Variants in PPP3CA observed in about 807,000 individuals in gnomAD.
PPP3CA encodes protein phosphatase 3 catalytic subunit alpha, also known as CAM-PRP catalytic subunit.
Under a neutral mutation model 66.5 loss-of-function variants are expected in PPP3CA, and 14 were observed. The observed-to-expected ratio is 0.21, with a 90% CI of 0.14 to 0.33. The LOEUF is 0.33. Ranked by LOEUF, PPP3CA falls within the 10% of genes least tolerant of loss-of-function variation. PPP3CA has a pLI of 1.00. For missense variants in PPP3CA, 317 were observed against 639.5 expected, an observed-to-expected ratio of 0.50 and a Z score of 5.44; for synonymous variants, 232 against 226.2, an observed-to-expected ratio of 1.03 and a Z score of -0.23.
chr4:101,099,517 T>C, intron 4 of PPP3CA, 94 bp downstream of exon 4: 2 of 601,324 alleles, frequency 3.3e-6, no homozygotes, highest in South Asian at 5.3e-5. Context: ...TCTTTGACTT[T>C]AGGCAATAGA....
chr4:101,344,828 T>C (rs1729928165), intron 1 of PPP3CA, among the ~76,000 whole-genome samples: 1 of 152,222 alleles, frequency 6.6e-6, no homozygotes. Context: ...TGTGCACAAG[T>C]GTTTTTTTAA....
At chr4:101,145,832 A>T (rs2110294733) in intron 2 of PPP3CA, among the ~76,000 whole-genome samples, 1 of 152,330 alleles carries the variant, frequency 6.6e-6, no homozygotes, top group South Asian at 2.1e-4. Context: ...ACTGAAGTTG[A>T]CACATGGCTG....
At chr4:101,080,725 T>C (rs925405475) in intron 7 of PPP3CA, 99 bp from the exon 8 acceptor site, 7 of 617,622 alleles carry the variant, frequency 1.1e-5, no homozygotes, top group African/African-American at 1.9e-5. Flanking sequence ...TCAAGTTCCA[T>C]CATTCAAAGG....
chr4:101,098,140 T>C (rs1405681875), intron 5 of PPP3CA, among the ~76,000 whole-genome samples: 2 of 152,098 alleles, frequency 1.3e-5, no homozygotes. Context: ...CAAAGACACA[T>C]GTCAGATGGT....
At chr4:101,092,071 CAGTG>C (rs1436339982) in intron 6 of PPP3CA, among the ~76,000 whole-genome samples, 6 of 151,962 alleles carry the variant, frequency 3.9e-5, no homozygotes, top group African/African-American at 1.4e-4. Flanking sequence ...GATAGGAAGA[CAGTG>C]AGGTCATGCA....
chr4:101,078,064 GC>G (rs1729269619), intron 8 of PPP3CA, among the ~76,000 whole-genome samples: 1 of 152,016 alleles, frequency 6.6e-6, no homozygotes, highest in Non-Finnish European at 1.5e-5. Context: ...CAGAGTACAT[GC>G]TATTTAGTAA....
chr4:101,230,569 T>TA (rs1471485178), intron 1 of PPP3CA, among the ~76,000 whole-genome samples: 3 of 151,226 alleles, frequency 2.0e-5, no homozygotes, highest in African/African-American at 7.3e-5. Context: ...ATAAATAAAA[T>TA]AAAAAATGAA....
At chr4:101,059,439 T>A (rs1227604303) in intron 10 of PPP3CA, among the ~76,000 whole-genome samples, 1 of 152,112 alleles carries the variant, frequency 6.6e-6, no homozygotes, top group Non-Finnish European at 1.5e-5. Context: ...AGAGAAGTTA[T>A]AGAGGAGAAA....
intron 10 of PPP3CA, among the ~76,000 whole-genome samples, chr4:101,049,936 T>C (rs1470732320): frequency 6.6e-6 from 1 of 152,114 alleles, no homozygotes; most frequent in Admixed American, 6.6e-5. Context: ...TGAGCTTATC[T>C]GAAAGAAGTC....
intron 1 of PPP3CA, among the ~76,000 whole-genome samples, chr4:101,317,637 G>A (rs773159384): frequency 2.6e-5 from 4 of 151,978 alleles, no homozygotes; most frequent in East Asian, 3.9e-4. Context: ...AAAACTACTC[G>A]GCTACTGACA....
chr4:101,337,378 T>A (rs545727736), intron 1 of PPP3CA, among the ~76,000 whole-genome samples: 2 of 152,306 alleles, frequency 1.3e-5, no homozygotes, highest in Admixed American at 1.3e-4. Flanking sequence ...TCACTTCCTG[T>A]CACAATTTAT....
At chr4:101,199,405 T>C (rs182721750) in intron 1 of PPP3CA, among the ~76,000 whole-genome samples, 27 of 152,340 alleles carry the variant, frequency 1.8e-4, no homozygotes, top group Non-Finnish European at 3.4e-4. Flanking sequence ...ATTACGTTTG[T>C]GCACATTAGT....
intron 6 of PPP3CA, among the ~76,000 whole-genome samples, chr4:101,092,529 T>G (rs1401113519): frequency 6.6e-6 from 1 of 152,008 alleles, no homozygotes; most frequent in Non-Finnish European, 1.5e-5. Context: ...GGCGGTTTGT[T>G]GCACCCATCA....
At chr4:101,109,174 G>A (rs1016329452) in intron 2 of PPP3CA, 96 bp from the exon 3 acceptor site, 13 of 1,238,790 alleles carry the variant, frequency 1.0e-5, no homozygotes, top group Non-Finnish European at 1.5e-5. Context: ...TTAATTTCAA[G>A]TTTATCTGAG....
At chr4:101,105,409 T>C (rs1183879183) in intron 3 of PPP3CA, among the ~76,000 whole-genome samples, 1 of 151,534 alleles carries the variant, frequency 6.6e-6, no homozygotes, top group Admixed American at 6.6e-5. Flanking sequence ...TCGTGATCTG[T>C]TTGCCTCAGA....
intron 1 of PPP3CA, chr4:101,250,246 G>A (rs1018904634): frequency 2.4e-6 from 1 of 424,184 alleles, no homozygotes; most frequent in South Asian, 1.7e-5. Flanking sequence ...CACGCAGTGT[G>A]GTGTTATGAG....
chr4:101,182,884 CTCTT>C (rs1724287443), intron 2 of PPP3CA, among the ~76,000 whole-genome samples: 3 of 152,094 alleles, frequency 2.0e-5, no homozygotes, highest in Non-Finnish European at 2.9e-5. Flanking sequence ...CACAAGCTCT[CTCTT>C]TGCCTGCTGC....
chr4:101,047,390 T>C (rs1727814117), intron 10 of PPP3CA, among the ~76,000 whole-genome samples: 1 of 152,174 alleles, frequency 6.6e-6, no homozygotes. Flanking sequence ...TAAATAGTTG[T>C]AAATAATGTT....
intron 1 of PPP3CA, among the ~76,000 whole-genome samples, chr4:101,340,455 G>A (rs1343740310): frequency 6.6e-6 from 1 of 151,998 alleles, no homozygotes; most frequent in Non-Finnish European, 1.5e-5. Flanking sequence ...CTACCCGAGT[G>A]CATATTTGTT....
Sources: allele counts gnomAD v4.1 joint callset (sites outside exome capture counted in the v4.1 genomes callset), GRCh38; gene constraint gnomAD v4.1.1; transcripts MANE v1.5; gene names NCBI Gene and HGNC (gene_info 2026-07-23, HGNC 2026-07-21).